Variants in NCOR1 observed in about 807,000 individuals in gnomAD.
The protein encoded by NCOR1 is nuclear receptor corepressor 1, also known as protein phosphatase 1, regulatory subunit 109.
In NCOR1, 63 loss-of-function variants were observed where a neutral mutation model predicts 288.1. The ratio of observed to expected loss-of-function variants is 0.22; its 90% CI spans 0.18 to 0.27. NCOR1 has a LOEUF of 0.27. Ranked by LOEUF, NCOR1 falls within the 10% of genes least tolerant of loss-of-function variation. The pLI is 1.00. For missense variants in NCOR1, 2,397 were observed against 3,019.2 expected (o/e 0.79, Z 4.83); for synonymous variants, 1,007 against 1,065.9 (o/e 0.94, Z 1.08).
intron 2 of NCOR1, among the ~76,000 whole-genome samples, chr17:16,190,919 A>G (rs74718949): frequency 0.033 from 5,084 of 152,332 alleles, 125 homozygotes; most frequent in Non-Finnish European, 0.049. Flanking sequence ...GCCTAAAGGC[A>G]ATTTCCAAAC....
intron 40 of NCOR1, among the ~76,000 whole-genome samples, chr17:16,054,092 AACT>A (rs2059639642): frequency 6.7e-6 from 1 of 148,392 alleles, no homozygotes; most frequent in African/African-American, 2.5e-5. Flanking sequence ...AAAAAAAAAA[AACT>A]ATAAAAACCT....
intron 19 of NCOR1, among the ~76,000 whole-genome samples, chr17:16,105,020 T>C (rs1046572190): frequency 6.6e-5 from 10 of 152,000 alleles, no homozygotes; most frequent in Admixed American, 6.6e-5. Flanking sequence ...GACAGTGTGG[T>C]TGGAGCAGAG....
At chr17:16,173,057 G>C (rs897023162) in intron 3 of NCOR1, among the ~76,000 whole-genome samples, 2 of 151,716 alleles carry the variant, frequency 1.3e-5, no homozygotes, top group African/African-American at 4.8e-5. Flanking sequence ...CAGCCTCCCC[G>C]GTAGCTGGGA....
chr17:16,051,935 TAAAC>T (rs1361495939), intron 40 of NCOR1, among the ~76,000 whole-genome samples: 2 of 151,866 alleles, frequency 1.3e-5, no homozygotes, highest in African/African-American at 4.8e-5. Context: ...ATAAATAAAA[TAAAC>T]AAAACGGAAG....
intron 3 of NCOR1, among the ~76,000 whole-genome samples, chr17:16,184,085 T>G (rs1335485022): frequency 6.6e-6 from 1 of 152,068 alleles, no homozygotes; most frequent in Non-Finnish European, 1.5e-5. Flanking sequence ...CAACTCAAAA[T>G]GGATAAAATA....
intron 1 of NCOR1, among the ~76,000 whole-genome samples, chr17:16,213,057 C>T (rs1401549580): frequency 8.7e-6 from 1 of 114,892 alleles, no homozygotes; most frequent in African/African-American, 3.3e-5. Context: ...ACCCTGTCTC[C>T]AAAAAAAAAA....
rs185553122 is a variant in NCOR1, at chr17:16,213,299, T to C, written c.-71+2063A>G. 7.3e-5 allele frequency among the ~76,000 whole-genome samples: 11 copies of C among 151,694 alleles called. No homozygotes were observed. In the East Asian group the frequency reaches 1.6e-3, roughly 22 times the overall value. Reference sequence around the variant, plus strand: ...CGAGGTCAGGAGATTGAGACCATCCTGGCTAACACGGTGAAACCCCGTCTC... The same window carrying C: ...CGAGGTCAGGAGATTGAGACCATCCCGGCTAACACGGTGAAACCCCGTCTC... On this transcript the variant is annotated intron_variant, in intron 1 of 45. Coordinates refer to ENST00000268712, the MANE Select transcript of NCOR1 (RefSeq NM_006311.4).
chr17:16,201,376 A>C (rs1361190127), intron 1 of NCOR1, among the ~76,000 whole-genome samples: 1 of 152,090 alleles, frequency 6.6e-6, no homozygotes, highest in East Asian at 1.9e-4. Context: ...AGGCAAGTGG[A>C]TCACTAGAAG....
Position 16,158,748 on chromosome 17 carries a change from G to A in NCOR1, c.732+12C>T. On this transcript the variant is annotated intron_variant, in intron 6 of 45. Coordinates refer to ENST00000268712, the MANE Select transcript of NCOR1 (RefSeq NM_006311.4). ...TTAAAGGCCTGTGCTGCCAGAGATG[G>A]TATGAGCTTACCCGATTCTCATCAT... 2 of 1,571,490 alleles carry A rather than the reference G, an allele frequency of 1.3e-6. No individual in the cohort carries two copies. The highest frequency in any genetic ancestry group is 8.8e-7 in the Non-Finnish European group (1 of 1,142,294).
chr17:16,029,660 C>CAGTA lies in NCOR1; in HGVS notation c.*2632_*2635dup, dbSNP rs1188277808. The CAGTA allele has an allele frequency of 6.0e-6, 1 of 167,800 alleles. No homozygotes were observed. Among genetic ancestry groups the CAGTA allele is most frequent in the Non-Finnish European group, 1.3e-5 (1 of 77,428 alleles). The allele number at this position is 167,800 out of a possible 1,614,324, so 10.4% of individuals were successfully genotyped here. On this transcript the variant is annotated 3_prime_UTR_variant, in exon 46 of 46. Coordinates refer to ENST00000268712, the MANE Select transcript of NCOR1 (RefSeq NM_006311.4). ...TCATGTTTTGGTTTGCAGTGAACCA[C>CAGTA]AGTAAGTTGTCAGTGCTGCTCTGTG...
At chr17:16,107,190 C>T (rs1008416244) in intron 19 of NCOR1, among the ~76,000 whole-genome samples, 9 of 151,960 alleles carry the variant, frequency 5.9e-5, no homozygotes, top group South Asian at 2.1e-4. Context: ...CCACTGCGCC[C>T]GGCCCAGATA....
intron 1 of NCOR1, among the ~76,000 whole-genome samples, chr17:16,214,946 T>G (rs755267532): frequency 6.6e-6 from 1 of 152,188 alleles, no homozygotes; most frequent in Non-Finnish European, 1.5e-5. Context: ...CCGCAGCCCC[T>G]TCTACACTTC....
chr17:16,120,931 GA>G (rs1296306267), intron 16 of NCOR1, 120 bp downstream of exon 16: 1 of 895,384 alleles, frequency 1.1e-6, no homozygotes, highest in African/African-American at 1.7e-5. Context: ...AAAATTTAAA[GA>G]CCACACTTCA....
At chr17:16,127,613 G>GTATGTGTATATATACATATATGTATA (rs2074820804) in intron 14 of NCOR1, among the ~76,000 whole-genome samples, 3 of 132,614 alleles carry the variant, frequency 2.3e-5, no homozygotes, top group South Asian at 2.3e-4. Context: ...ATACATATGT[G>GTATGTGTATATATACATATATGTATA]TATGTGTATA....
chr17:16,032,504 T>C (rs1972253754), intron 45 of NCOR1, 21 bp from the exon 46 acceptor site: 1 of 1,561,004 alleles, frequency 6.4e-7, no homozygotes, highest in African/African-American at 1.4e-5. Context: ...AAAAATTAGG[T>C]TTTCATTGTC....
intron 1 of NCOR1, among the ~76,000 whole-genome samples, chr17:16,197,025 A>C (rs2089969102): frequency 1.9e-5 from 2 of 103,800 alleles, no homozygotes; most frequent in Admixed American, 9.5e-5. Flanking sequence ...TCAAAAAATA[A>C]AAGAAAAACG....
At chr17:16,036,833 A>C (rs1208036021) in intron 44 of NCOR1, among the ~76,000 whole-genome samples, 1 of 152,214 alleles carries the variant, frequency 6.6e-6, no homozygotes, top group South Asian at 2.1e-4. Flanking sequence ...TGTGTCACGA[A>C]ACACTGTTTT....
chr17:16,145,547 C>T (rs1346735188), intron 10 of NCOR1, among the ~76,000 whole-genome samples: 1 of 134,062 alleles, frequency 7.5e-6, no homozygotes, highest in African/African-American at 2.5e-5. Context: ...TCTGCCCCGC[C>T]GCCACCCTGT....
intron 38 of NCOR1, 37 bp from the exon 39 acceptor site, chr17:16,058,101 G>A (rs2060132928): frequency 1.9e-6 from 3 of 1,603,116 alleles, no homozygotes; most frequent in Non-Finnish European, 2.6e-6. Context: ...CTCCAGGAAT[G>A]TCTGTGCTTT....
Sources: gnomAD v4.1 joint callset for allele counts (sites outside exome capture counted in the v4.1 genomes callset) on GRCh38, gnomAD v4.1.1 for gene constraint, MANE v1.5 for transcripts, NCBI Gene and HGNC (gene_info 2026-07-23, HGNC 2026-07-21) for gene names.